HTATSF1: variants seen among roughly 807,000 people sequenced by gnomAD.
HTATSF1 encodes 17S U2 SnRNP complex component HTATSF1.
Under a neutral mutation model 46.1 loss-of-function variants are expected in HTATSF1, and 6 were observed. The ratio of observed to expected loss-of-function variants is 0.13; its 90% confidence interval spans 0.07 to 0.26. The LOEUF (loss-of-function observed/expected upper bound fraction) is 0.26, where lower values mean the gene tolerates loss of function less well. Among genes scored for constraint, HTATSF1 ranks in the 10% least tolerant of loss-of-function variants. The pLI, the probability that HTATSF1 is intolerant of heterozygous loss-of-function variation, is 1.00. For missense variants in HTATSF1, 452 were observed against 559.9 expected (o/e 0.81, Z 1.94); for synonymous variants, 226 against 211.5 (o/e 1.07, Z -0.60).
rs368856206 is a variant in HTATSF1 at position 136,512,002 on chromosome X, G to A, written c.2257G>A (p.Asp753Asn). 44 of 1,199,244 alleles carry A rather than the reference G, an allele frequency of 3.7e-5. No individual in the cohort carries two copies. Among genetic ancestry groups the A allele is most frequent in the African/African-American group, 1.4e-4 (8 of 56,522 alleles). The change falls in exon 9 of 9, where the codon GAT (aspartate) becomes AAT (asparagine). Residue 753 changes from aspartate (D) to asparagine (N), a missense_variant. By Grantham distance (23) the Asp-to-Asn change is conservative (BLOSUM62 1). Coordinates refer to ENST00000218364, the MANE Select transcript of HTATSF1 (RefSeq NM_014500.5). Reference protein sequence around the residue: ...SFILSSDDDDDDI With the variant: ...SFILSSDDDDNDI ...TATTCTCAGTAGCGATGATGATGAC[G>A]ATGATATTTAATCCCTTAAACTTGC... is the stretch of plus-strand genomic sequence containing the variant.
intron 6 of HTATSF1, among the ~76,000 whole-genome samples, chrX:136,506,461 T>A (rs762855106): frequency 4.5e-3 from 288 of 64,125 alleles, no homozygotes; most frequent in Non-Finnish European, 5.4e-3. Flanking sequence ...TGTTTGCTGC[T>A]GTATTCTCAG....
rs149883432 is a variant in HTATSF1, at chrX:136,499,657, A to T, written c.246A>T (p.Ala82=). 2.5e-6 allele frequency: 3 copies of T among 1,200,480 alleles called. No individual in the cohort carries two copies. The highest frequency in any genetic ancestry group is 3.4e-6 in the Non-Finnish European group (3 of 891,127). ...QANYGFSNDG[A]SSSTANVEDV... ...ATTATGGCTTCTCTAACGATGGCGC[A>T]TCTAGTTCTACCGCAAATGTTGAAG... is the stretch of plus-strand genomic sequence containing the variant. The change falls in exon 2 of 9, where the codon GCA becomes GCT. Residue 82 remains alanine, a synonymous_variant. Transcript: ENST00000218364.
chrX:136,498,598 A>G (rs1405876271), intron 1 of HTATSF1, among the ~76,000 whole-genome samples: 4 of 112,671 alleles, frequency 3.6e-5, no homozygotes, highest in Non-Finnish European at 5.6e-5. Context: ...TTGCAAGTCA[A>G]TGATACAAAA....
chrX:136,512,178 GTTAA>G lies in HTATSF1; in HGVS notation c.*168_*171del, dbSNP rs1360341127. 7.0e-6 allele frequency: 3 copies of G among 431,243 alleles called. No homozygotes were observed. The highest frequency in any genetic ancestry group is 2.5e-5 in the African/African-American group (1 of 39,931). The allele number at this position is 431,243 out of a possible 1,213,427, so 35.5% of individuals were successfully genotyped here. A position where few individuals can be genotyped will look rare whatever the true frequency, so the allele number is the denominator to read the frequency against. On this transcript the variant is annotated 3_prime_UTR_variant, in exon 9 of 9. Coordinates refer to ENST00000218364, the MANE Select transcript of HTATSF1 (RefSeq NM_014500.5). ...CTGTACCTAATGGTTTTAAATATAT[GTTAA>G]TTGATTGTTTAGTTAAAATGTCATA...
At chrX:136,508,899 A>G (rs1037845156) in intron 6 of HTATSF1, among the ~76,000 whole-genome samples, 192 bp from the exon 7 acceptor site, 5 of 112,558 alleles carry the variant, frequency 4.4e-5, no homozygotes, top group African/African-American at 1.3e-4. Flanking sequence ...GGGCAAACCT[A>G]TAGGAGTAGC....
chrX:136,499,380 C>T (rs908947490), intron 1 of HTATSF1, among the ~76,000 whole-genome samples: 2 of 112,272 alleles, frequency 1.8e-5, no homozygotes, highest in Admixed American at 1.9e-4. Context: ...TTGCATTGAT[C>T]ATCTAAGTAC....
rs949601720 is a variant in HTATSF1, at chrX:136,499,456, A to G, written c.187-142A>G. On this transcript the variant is annotated intron_variant, in intron 1 of 8. Coordinates refer to ENST00000218364, the MANE Select transcript of HTATSF1 (RefSeq NM_014500.5). ...AGAAGGTGACTATTCTTGCATTTAT[A>G]CCTTAATAACTACAACTATTATCCA... 9.9e-6 allele frequency: 4 copies of G among 404,890 alleles called. No homozygotes were observed. In the South Asian group the frequency reaches 3.5e-4, roughly 35 times the overall value. The allele number at this position is 404,890 out of a possible 1,213,427, so 33.4% of individuals were successfully genotyped here. A position where few individuals can be genotyped will look rare whatever the true frequency, so the allele number is the denominator to read the frequency against.
Position 136,497,654 on chromosome X carries a change from C to G in HTATSF1, c.-31C>G. 8.7e-7 allele frequency: 1 copy of G among 1,151,108 alleles called. No homozygotes were observed. The highest frequency in any genetic ancestry group is 1.2e-6 in the Non-Finnish European group (1 of 852,609). The allele number at this position is 1,151,108 out of a possible 1,213,427, so 94.9% of individuals were successfully genotyped here. ...GCGTCATTTCGGCCTCTTAGTTCTT[C>G]TGAACCCTGCTCCTGAGCTAGGTAG... On this transcript the variant is annotated 5_prime_UTR_variant, in exon 1 of 9. Coordinates refer to ENST00000218364, the MANE Select transcript of HTATSF1 (RefSeq NM_014500.5).
At chrX:136,498,083 C>T (rs3027837) in intron 1 of HTATSF1, among the ~76,000 whole-genome samples, 1,258 of 112,482 alleles carry the variant, frequency 0.011, 17 homozygotes, top group African/African-American at 0.036. Flanking sequence ...TAAGTCTTTT[C>T]TATGCTTTAT....
intron 4 of HTATSF1, among the ~76,000 whole-genome samples, chrX:136,502,131 C>CT (rs1482652379): frequency 9.0e-6 from 1 of 111,183 alleles, no homozygotes; most frequent in Non-Finnish European, 1.9e-5. Flanking sequence ...TGTCCTTTCT[C>CT]TAAGACCTGG....
intron 5 of HTATSF1, 50 bp from the exon 6 acceptor site, chrX:136,504,314 C>A: frequency 2.1e-6 from 2 of 957,107 alleles, no homozygotes; most frequent in Non-Finnish European, 3.0e-6. Context: ...CTCTCTCCAA[C>A]AAGTCTGAAG....
intron 4 of HTATSF1, among the ~76,000 whole-genome samples, 186 bp downstream of exon 4, chrX:136,501,004 T>C (rs989770871): frequency 1.8e-5 from 2 of 112,501 alleles, no homozygotes; most frequent in Non-Finnish European, 3.8e-5. Flanking sequence ...TAAGAAAATA[T>C]GTTATCAGGT....
chrX:136,509,260 C>G, intron 7 of HTATSF1, 80 bp downstream of exon 7: 1 of 663,470 alleles, frequency 1.5e-6, no homozygotes, highest in Non-Finnish European at 2.4e-6. Flanking sequence ...GTTAGTATAC[C>G]CCTGAATTTT....
chrX:136,511,269 CAAA>C lies in HTATSF1; in HGVS notation c.1527_1529del (p.Lys509del). ...AAAAAGAGTCTAAAAAGAAGACACT[CAAA>C]AATGATTGTGAAGAGAATGGCCTTG... On this transcript the variant is annotated inframe_deletion, in exon 9 of 9. Transcript: ENST00000218364. 1 of 1,208,796 alleles carries C rather than the reference CAAA, an allele frequency of 8.3e-7. No homozygotes were observed. Among genetic ancestry groups the C allele is most frequent in the Non-Finnish European group, 1.1e-6 (1 of 894,749 alleles).
In HTATSF1 at chrX:136,511,030, A is replaced by C; in HGVS notation, c.1285A>C (p.Lys429Gln). ...GMAFEEPIDE[K>Q]KFEKTEDGGE... The stretch of plus-strand genomic sequence containing the variant: ...GGCGTTTGAAGAACCTATAGATGAG[A>C]AGAAGTTTGAAAAGACAGAAGATGG... Residue 429 changes from lysine to glutamine, a missense_variant, in exon 9 of 9, where the codon AAG becomes CAG. By Grantham distance (53) the Lys-to-Gln change is moderately conservative (BLOSUM62 1). Around this residue, in one of 3 missense-constraint regions of HTATSF1, gnomAD observed 246 missense variants for 245.3 expected, o/e 1.00. Transcript: ENST00000218364. 8.3e-7 allele frequency: 1 copy of C among 1,211,483 alleles called. No homozygotes were observed. Among genetic ancestry groups the C allele is most frequent in the Non-Finnish European group, 1.1e-6 (1 of 895,454 alleles).
chrX:136,504,418 G>A lies in HTATSF1; in HGVS notation c.789G>A (p.Glu263=). Residue 263 remains glutamate (E), a synonymous_variant, in exon 6 of 9, where the codon GAG becomes GAA. Coordinates refer to ENST00000218364, the MANE Select transcript of HTATSF1 (RefSeq NM_014500.5). ...CCGGACCATCCCGGATGCGCCATGA[G>A]CGAGTTGTCATCATCAAGAATATGT... The part of the protein sequence containing the change: ...RRAGPSRMRH[E]RVVIIKNMFH... The A allele has an allele frequency of 5.0e-6, 6 of 1,210,207 alleles. No homozygotes were observed. The highest frequency in any genetic ancestry group is 1.7e-5 in the African/African-American group (1 of 57,810).
chrX:136,500,632 A>T, intron 3 of HTATSF1, 32 bp from the exon 4 acceptor site: 2 of 965,976 alleles, frequency 2.1e-6, no homozygotes, highest in Non-Finnish European at 2.8e-6. Context: ...ATTATCAATT[A>T]TAAATGTTTT....
chrX:136,500,278 A>G (rs2075712246), intron 3 of HTATSF1, 73 bp downstream of exon 3: 11 of 697,039 alleles, frequency 1.6e-5, no homozygotes, highest in Non-Finnish European at 2.5e-5. Flanking sequence ...AGTGATTTTT[A>G]GCTTTCAGTT....
intron 5 of HTATSF1, 135 bp from the exon 6 acceptor site, chrX:136,504,229 G>A (rs980269318): frequency 1.0e-4 from 45 of 437,104 alleles, no homozygotes; most frequent in Non-Finnish European, 1.6e-4. Flanking sequence ...CTGAAATACA[G>A]TTTGTTGTTG....
Sources: allele counts gnomAD v4.1 joint callset (sites outside exome capture counted in the v4.1 genomes callset), GRCh38; gene constraint gnomAD v4.1.1; regional missense constraint gnomAD v4.1.1; transcripts MANE v1.5; gene names NCBI Gene and HGNC (gene_info 2026-07-23, HGNC 2026-07-21).